The following SOX6 variants were observed in gnomAD, a reference collection of about 807,000 sequenced individuals.
SOX6 encodes transcription factor SOX-6.
SOX6 carries 11 observed loss-of-function variants against 97.8 expected under a neutral mutation model. The ratio of observed to expected loss-of-function variants is 0.11; its 90% CI spans 0.07 to 0.19. The LOEUF is 0.19. Among genes scored for constraint, SOX6 ranks in the 10% least tolerant of loss-of-function variants. The pLI is 1.00. For missense variants in SOX6, 810 were observed against 1,039.5 expected, an observed-to-expected ratio of 0.78 and a Z score of 3.04; for synonymous variants, 360 against 371.4, an observed-to-expected ratio of 0.97 and a Z score of 0.35.
chr11:16,415,472 A>G (rs1233621462), intron 1 of SOX6, among the ~76,000 whole-genome samples: 1 of 152,174 alleles, frequency 6.6e-6, no homozygotes, highest in Non-Finnish European at 1.5e-5. Context: ...AGAATACTAC[A>G]TAGGAGAATC....
At chr11:16,222,386 T>A (rs10832568) in intron 4 of SOX6, among the ~76,000 whole-genome samples, 31,157 of 151,988 alleles carry the variant, frequency 0.2, 3,847 homozygotes, top group Admixed American at 0.31. Flanking sequence ...CTACTTTTTT[T>A]AATTTTTTGT....
chr11:16,019,136 C>G (rs1393247162), intron 12 of SOX6, among the ~76,000 whole-genome samples: 1 of 152,080 alleles, frequency 6.6e-6, no homozygotes. Context: ...TGCACTGGGT[C>G]CCTCCCTTCT....
At chr11:16,468,518 A>T (rs1860083609) in intron 1 of SOX6, among the ~76,000 whole-genome samples, 1 of 152,140 alleles carries the variant, frequency 6.6e-6, no homozygotes, top group Non-Finnish European at 1.5e-5. Flanking sequence ...CTTCACTGTA[A>T]CACTGTCCTC....
intron 6 of SOX6, among the ~76,000 whole-genome samples, chr11:16,163,951 A>G (rs1026466002): frequency 3.3e-5 from 5 of 152,210 alleles, no homozygotes; most frequent in African/African-American, 9.7e-5. Context: ...CGAGACAAAG[A>G]AGAGCTGAGC....
chr11:16,364,025 T>G (rs999942728), intron 1 of SOX6, among the ~76,000 whole-genome samples: 1 of 152,182 alleles, frequency 6.6e-6, no homozygotes, highest in South Asian at 2.1e-4. Flanking sequence ...GTTCAATGTT[T>G]TGGGTATTTC....
At chr11:16,221,292 C>A (rs1443876222) in intron 4 of SOX6, among the ~76,000 whole-genome samples, 1 of 152,052 alleles carries the variant, frequency 6.6e-6, no homozygotes, top group Non-Finnish European at 1.5e-5. Context: ...CACCATCATA[C>A]ACTTGTAATA....
At chr11:16,353,038 GT>G (rs1402405068) in intron 1 of SOX6, among the ~76,000 whole-genome samples, 1 of 151,904 alleles carries the variant, frequency 6.6e-6, no homozygotes. Context: ...GCTATTTCTG[GT>G]TAGCCTAGAT....
intron 4 of SOX6, among the ~76,000 whole-genome samples, chr11:16,578,572 G>C (rs1356370808): frequency 6.6e-6 from 1 of 152,118 alleles, no homozygotes; most frequent in Non-Finnish European, 1.5e-5. Flanking sequence ...GAAGGAGTAA[G>C]CTGAGAGTGC....
At chr11:16,502,442 C>A (rs976628016) in intron 4 of SOX6, among the ~76,000 whole-genome samples, 2 of 139,110 alleles carry the variant, frequency 1.4e-5, no homozygotes, top group African/African-American at 2.7e-5. Flanking sequence ...TAACATGTAC[C>A]CTAAAATTTA....
chr11:16,468,596 T>C (rs1380432519), intron 1 of SOX6, among the ~76,000 whole-genome samples: 1 of 152,176 alleles, frequency 6.6e-6, no homozygotes, highest in African/African-American at 2.4e-5. Flanking sequence ...GCACCCAACA[T>C]GGATCCACCT....
intron 2 of SOX6, among the ~76,000 whole-genome samples, chr11:16,319,205 A>G (rs2134303245): frequency 6.6e-6 from 1 of 152,306 alleles, no homozygotes; most frequent in South Asian, 2.1e-4. Flanking sequence ...AAAGTTAGCC[A>G]ACATGAATAT....
At chr11:16,425,620 T>C (rs887933077) in intron 1 of SOX6, among the ~76,000 whole-genome samples, 1 of 152,098 alleles carries the variant, frequency 6.6e-6, no homozygotes, top group Non-Finnish European at 1.5e-5. Context: ...TTCAGCAAAG[T>C]CTTAGGATAC....
chr11:16,054,529 A>G (rs1847768280), intron 10 of SOX6, among the ~76,000 whole-genome samples: 2 of 152,162 alleles, frequency 1.3e-5, no homozygotes, highest in South Asian at 4.1e-4. Flanking sequence ...TACTTCTCTT[A>G]GTGATTTTCA....
chr11:16,107,988 G>A (rs1849138347), intron 7 of SOX6, among the ~76,000 whole-genome samples: 1 of 151,980 alleles, frequency 6.6e-6, no homozygotes, highest in Admixed American at 6.6e-5. Flanking sequence ...CAATCTTAGT[G>A]CTTTATCATT....
chr11:16,358,036 G>A (rs879680803), upstream of SOX6, among the ~76,000 whole-genome samples: 35 of 152,206 alleles, frequency 2.3e-4, no homozygotes, highest in Non-Finnish European at 5.0e-4. Flanking sequence ...GATTAGAAGA[G>A]GTATCTTTCT....
At chr11:16,660,657 G>T (rs539747056) in intron 3 of SOX6, among the ~76,000 whole-genome samples, 1 of 152,330 alleles carries the variant, frequency 6.6e-6, no homozygotes, top group African/African-American at 2.4e-5. Context: ...ACAAGGTGAT[G>T]GTACTAGAGG....
At chr11:16,557,679 A>T (rs1847764730) in intron 4 of SOX6, among the ~76,000 whole-genome samples, 1 of 151,884 alleles carries the variant, frequency 6.6e-6, no homozygotes, top group Non-Finnish European at 1.5e-5. Context: ...CTTTATAATT[A>T]TAAATTATAA....
intron 13 of SOX6, among the ~76,000 whole-genome samples, chr11:16,011,208 T>C (rs185189782): frequency 6.6e-6 from 1 of 152,214 alleles, no homozygotes; most frequent in Admixed American, 6.5e-5. Context: ...TTCACTATTC[T>C]TAATTATATG....
chr11:16,263,004 G>A (rs925370978), intron 3 of SOX6, among the ~76,000 whole-genome samples: 2 of 151,716 alleles, frequency 1.3e-5, no homozygotes, highest in Non-Finnish European at 2.9e-5. Flanking sequence ...GTTATCCACC[G>A]CCAGATGATT....
Sources: gnomAD v4.1 joint callset for allele counts (sites outside exome capture counted in the v4.1 genomes callset) on GRCh38, gnomAD v4.1.1 for gene constraint, MANE v1.5 for transcripts, NCBI Gene and HGNC (gene_info 2026-07-23, HGNC 2026-07-21) for gene names.